Variants in VAT1L observed in about 807,000 individuals in gnomAD.
VAT1L encodes the protein putative NADPH-dependent quinone oxidoreductase VAT1L.
Under a neutral mutation model 44.1 loss-of-function variants are expected in VAT1L, and 34 were observed. That is an observed-to-expected ratio of 0.77 (90% CI 0.59 to 1.03). The LOEUF is 1.03. Ranked by LOEUF, VAT1L falls within the 50% of genes least tolerant of loss-of-function variation. The pLI, the probability that VAT1L is intolerant of heterozygous loss-of-function variation, is 0.00. For missense variants in VAT1L, 615 were observed against 538.8 expected (o/e 1.14, Z -1.40); for synonymous variants, 253 against 202.2 (o/e 1.25, Z -2.13).
intron 4 of VAT1L, among the ~76,000 whole-genome samples, chr16:77,870,471 G>T (rs2017019914): frequency 6.6e-6 from 1 of 152,194 alleles, no homozygotes. Flanking sequence ...TACCGCCTCT[G>T]TTGGAACCTA....
chr16:77,810,672 AAAC>A (rs2016249650), intron 1 of VAT1L, among the ~76,000 whole-genome samples: 1 of 152,124 alleles, frequency 6.6e-6, no homozygotes, highest in Non-Finnish European at 1.5e-5. Flanking sequence ...TCTATCTCAA[AAAC>A]AACAACAAAA....
At chr16:77,929,243 T>C (rs2017702257) in intron 7 of VAT1L, among the ~76,000 whole-genome samples, 1 of 152,210 alleles carries the variant, frequency 6.6e-6, no homozygotes. Flanking sequence ...CCTTCAATAA[T>C]GAGTCTCTAG....
Position 77,877,436 on chromosome 16 carries a change from C to A in VAT1L, c.826+963C>A, listed in dbSNP as rs2017099419. ...GAGGCAGCAGGAGAATGGCATGAACCCGGGAGGCGGAGCTGGCAGTGAGCC... is the reference window on the plus strand; with the variant it reads ...GAGGCAGCAGGAGAATGGCATGAACACGGGAGGCGGAGCTGGCAGTGAGCC... On this transcript the variant is annotated intron_variant, in intron 5 of 8. Coordinates refer to ENST00000302536, the MANE Select transcript of VAT1L (RefSeq NM_020927.3). Among the ~76,000 whole-genome samples the A allele has an allele frequency of 3.4e-5, 5 of 146,300 alleles. No homozygotes were observed. In the South Asian group the frequency reaches 1.1e-3, roughly 33 times the overall value.
chr16:77,932,546 C>T (rs901536752), intron 7 of VAT1L, among the ~76,000 whole-genome samples: 1 of 152,316 alleles, frequency 6.6e-6, no homozygotes, highest in East Asian at 1.9e-4. Context: ...TCACTGAATA[C>T]AAGTTCACAA....
chr16:77,923,384 A>G (rs149527197), intron 7 of VAT1L, among the ~76,000 whole-genome samples: 1 of 152,314 alleles, frequency 6.6e-6, no homozygotes, highest in South Asian at 2.1e-4. Context: ...CTGGAGGCAG[A>G]GGTTGCAGTG....
chr16:77,838,773 C>G (rs2145257441), intron 3 of VAT1L, among the ~76,000 whole-genome samples: 1 of 149,942 alleles, frequency 6.7e-6, no homozygotes, highest in South Asian at 2.1e-4. Context: ...TCTCTCCTTC[C>G]TTCCTTTCTT....
At chr16:77,930,084 C>T (rs1045998237) in intron 7 of VAT1L, among the ~76,000 whole-genome samples, 2 of 152,222 alleles carry the variant, frequency 1.3e-5, no homozygotes, top group African/African-American at 4.8e-5. Flanking sequence ...GAAGGACCTA[C>T]CTTCCAGCCC....
chr16:77,802,583 C>T (rs1035149965), intron 1 of VAT1L, among the ~76,000 whole-genome samples: 1 of 150,710 alleles, frequency 6.6e-6, no homozygotes, highest in South Asian at 2.1e-4. Context: ...CACTGCACTC[C>T]AGTCTGGGCA....
chr16:77,790,635 G>A (rs980378006), intron 1 of VAT1L, among the ~76,000 whole-genome samples: 12 of 152,062 alleles, frequency 7.9e-5, no homozygotes, highest in African/African-American at 1.4e-4. Context: ...GCATATATGT[G>A]CATATACATA....
intron 7 of VAT1L, among the ~76,000 whole-genome samples, chr16:77,962,316 C>T (rs2018168213): frequency 6.6e-6 from 1 of 152,104 alleles, no homozygotes. Context: ...GGCCAGGAAC[C>T]CAAAGCATGG....
intron 7 of VAT1L, among the ~76,000 whole-genome samples, chr16:77,938,391 A>G (rs926988814): frequency 6.6e-6 from 1 of 152,226 alleles, no homozygotes; most frequent in East Asian, 1.9e-4. Context: ...CTTATAGTCT[A>G]CTGTGTGGGT....
At chr16:77,862,012 G>A (rs12918045) in intron 3 of VAT1L, among the ~76,000 whole-genome samples, 1 of 152,144 alleles carries the variant, frequency 6.6e-6, no homozygotes, top group Admixed American at 6.5e-5. Context: ...CGTTATCTTA[G>A]GTTCGGCTTC....
intron 7 of VAT1L, among the ~76,000 whole-genome samples, chr16:77,911,590 A>G (rs1214088835): frequency 6.6e-6 from 1 of 152,144 alleles, no homozygotes; most frequent in Non-Finnish European, 1.5e-5. Context: ...GTGTCTTCAC[A>G]AGCTTCTTTT....
Position 77,825,410 on chromosome 16 carries a change from C to T in VAT1L, c.528C>T (p.Ala176=). ...CCTATGTGATGCTGTTTGAAGTTGCCAACCTCCGGGAAGGGATGTCTGTGC... is the reference window on the plus strand; with the variant it reads ...CCTATGTGATGCTGTTTGAAGTTGCTAACCTCCGGGAAGGGATGTCTGTGC... ...VTAYVMLFEV[A]NLREGMSVLV... is the part of the protein sequence containing the mutation. Residue 176 remains alanine, a synonymous_variant, in exon 3 of 9, where the codon GCC becomes GCT. Transcript: ENST00000302536. 6.2e-7 allele frequency: 1 copy of T among 1,611,026 alleles called. No homozygotes were observed. Among genetic ancestry groups the T allele is most frequent in the Non-Finnish European group, 8.5e-7 (1 of 1,178,504 alleles).
chr16:77,898,367 A>G (rs917852852), intron 7 of VAT1L, among the ~76,000 whole-genome samples: 1 of 152,244 alleles, frequency 6.6e-6, no homozygotes, highest in African/African-American at 2.4e-5. Context: ...ACTATGAGTC[A>G]CATACGATCA....
In VAT1L at chr16:77,884,319, G is replaced by A. The variant is rs1421339403; in HGVS notation, c.883-289G>A. Among the ~76,000 whole-genome samples, 2 of 152,092 alleles carry A rather than the reference G, an allele frequency of 1.3e-5. No individual in the cohort carries two copies. Among genetic ancestry groups the A allele is most frequent in the Non-Finnish European group, 2.9e-5 (2 of 68,022 alleles). ...GGCGCCTGTAATCCCAGCTACTCGGGAGGCTGGGGCAGAGAATTACTTGAA... is the reference window on the plus strand; with the variant it reads ...GGCGCCTGTAATCCCAGCTACTCGGAAGGCTGGGGCAGAGAATTACTTGAA... On this transcript the variant is annotated intron_variant, in intron 6 of 8. Coordinates refer to ENST00000302536, the MANE Select transcript of VAT1L (RefSeq NM_020927.3). The surrounding 1 kb of genome is among the most constrained non-coding windows in gnomAD (Gnocchi z 4.5).
intron 4 of VAT1L, among the ~76,000 whole-genome samples, chr16:77,872,152 G>A (rs2017039790): frequency 6.6e-6 from 1 of 152,130 alleles, no homozygotes; most frequent in Admixed American, 6.5e-5. Context: ...CACACAGCAT[G>A]TAAGTAGCAG....
intron 3 of VAT1L, among the ~76,000 whole-genome samples, chr16:77,856,267 G>A (rs58557692): frequency 0.017 from 2,632 of 152,236 alleles, 79 homozygotes; most frequent in African/African-American, 0.06. Flanking sequence ...AACAAGGCTG[G>A]AGGAGTAGAC....
chr16:77,966,498 G>GT (rs1567524958), intron 7 of VAT1L, among the ~76,000 whole-genome samples: 1 of 152,022 alleles, frequency 6.6e-6, no homozygotes, highest in Non-Finnish European at 1.5e-5. Context: ...CAGATACATC[G>GT]TAAGTGGTGG....
Sources: allele counts gnomAD v4.1 joint callset (sites outside exome capture counted in the v4.1 genomes callset), GRCh38; gene constraint gnomAD v4.1.1; non-coding constraint Gnocchi (gnomAD v3.1); transcripts MANE v1.5; gene names NCBI Gene and HGNC (gene_info 2026-07-23, HGNC 2026-07-21).